Variants in SMOC1 observed in about 807,000 individuals in gnomAD.
SMOC1 encodes SPARC-related modular calcium-binding protein 1.
A neutral mutation model predicts 56.3 loss-of-function variants in SMOC1; 22 were observed. The ratio of observed to expected loss-of-function variants is 0.39; its 90% confidence interval spans 0.28 to 0.56. The LOEUF is 0.56. SMOC1 is among the 20% of genes least tolerant of loss of function. The pLI is 0.61. For missense variants in SMOC1, 509 were observed against 565.4 expected (o/e 0.90, Z 1.01); for synonymous variants, 193 against 215.0 (o/e 0.90, Z 0.89).
intron 1 of SMOC1, among the ~76,000 whole-genome samples, chr14:69,920,135 A>G (rs758325629): frequency 6.6e-6 from 1 of 152,186 alleles, no homozygotes; most frequent in East Asian, 1.9e-4. Flanking sequence ...TTCAGACAGA[A>G]GGACAGCATG....
chr14:70,025,545 A>G (rs1315268883), intron 11 of SMOC1, among the ~76,000 whole-genome samples: 1 of 151,938 alleles, frequency 6.6e-6, no homozygotes, highest in East Asian at 1.9e-4. Context: ...AATGGTTCAA[A>G]CCCTGCCTCT....
intron 1 of SMOC1, among the ~76,000 whole-genome samples, chr14:69,929,295 ACATAGCTAC>A (rs1885099976): frequency 6.6e-6 from 1 of 152,160 alleles, no homozygotes; most frequent in African/African-American, 2.4e-5. Flanking sequence ...GTCCTAATAA[ACATAGCTAC>A]CATTTATTGA....
At position 70,013,606 on chromosome 14, in the gene SMOC1, T is replaced by C. The variant is rs1885411182; in HGVS notation, c.1046+115T>C. ...GTTTGAGGAGGGCAAGGGCTGGAAG[T>C]TGATCTTTTTCCTGAAACCATGTAC... On this transcript the variant is annotated intron_variant, in intron 10 of 11. Transcript: ENST00000361956. 182 of 886,164 alleles carry C rather than the reference T, an allele frequency of 2.1e-4. 2 individuals carry two copies. The South Asian group carries it at 2.4e-3, about 12-fold the overall frequency. 54.9% of individuals were successfully genotyped at this position (886,164 alleles called of 1,614,324 possible). A position where few individuals can be genotyped will look rare whatever the true frequency, so the allele number is the denominator to read the frequency against.
At chr14:69,906,905 G>A (rs1191089958) in intron 1 of SMOC1, among the ~76,000 whole-genome samples, 1 of 152,160 alleles carries the variant, frequency 6.6e-6, no homozygotes, top group East Asian at 1.9e-4. Context: ...CAGAAACAGT[G>A]GAAATTAGAT....
In SMOC1 at chr14:69,961,028, G is replaced by A. The variant is rs920061917; in HGVS notation, c.378+7496G>A. On this transcript the variant is annotated intron_variant, in intron 3 of 11. Coordinates refer to ENST00000361956, the MANE Select transcript of SMOC1 (RefSeq NM_001034852.3). ...TAATACCAGAACATTTTTGTCACCC[G>A]AGAAGAAATCTTGTACGCATTAGCA... is the stretch of plus-strand genomic sequence containing the variant. Among the ~76,000 whole-genome samples, 5 of 151,906 alleles carry A rather than the reference G, an allele frequency of 3.3e-5. No individual in the cohort carries two copies. The South Asian group carries it at 1.0e-3, about 32-fold the overall frequency.
At chr14:69,940,149 C>T (rs1275740183) in intron 1 of SMOC1, among the ~76,000 whole-genome samples, 1 of 152,206 alleles carries the variant, frequency 6.6e-6, no homozygotes, top group African/African-American at 2.4e-5. Context: ...TCTTGTCTTT[C>T]CAACCAGAGG....
intron 1 of SMOC1, among the ~76,000 whole-genome samples, chr14:69,902,561 C>T (rs573470422): frequency 9.2e-5 from 14 of 152,250 alleles, no homozygotes; most frequent in African/African-American, 3.1e-4. Context: ...CCCTGTGGGA[C>T]CTCTGCCCTG....
chr14:69,976,119 A>T (rs954850162), intron 4 of SMOC1, among the ~76,000 whole-genome samples: 1 of 152,184 alleles, frequency 6.6e-6, no homozygotes, highest in African/African-American at 2.4e-5. Flanking sequence ...TTTTGTGCTG[A>T]TTCTGATTGC....
chr14:69,956,845 T>A (rs1014440843), intron 3 of SMOC1, among the ~76,000 whole-genome samples: 1 of 152,128 alleles, frequency 6.6e-6, no homozygotes, highest in Non-Finnish European at 1.5e-5. Flanking sequence ...CTTTTAAAGG[T>A]CTTGAAACCT....
intron 2 of SMOC1, among the ~76,000 whole-genome samples, chr14:69,953,036 C>A (rs778330108): frequency 1.3e-5 from 2 of 152,208 alleles, no homozygotes; most frequent in Non-Finnish European, 2.9e-5. Context: ...GCGCTAGAGC[C>A]TCTGATTTTC....
At chr14:69,901,419 G>A (rs1400573310) in intron 1 of SMOC1, among the ~76,000 whole-genome samples, 2 of 152,200 alleles carry the variant, frequency 1.3e-5, no homozygotes, top group Non-Finnish European at 2.9e-5. Flanking sequence ...AACTATCTGA[G>A]GTGGTCTGGG....
At chr14:69,908,602 C>A (rs903792541) in intron 1 of SMOC1, among the ~76,000 whole-genome samples, 1 of 152,192 alleles carries the variant, frequency 6.6e-6, no homozygotes, top group African/African-American at 2.4e-5. Flanking sequence ...CTAGCCAGGT[C>A]TGGGAGGGCC....
At chr14:69,964,979 A>G (rs1183412434) in intron 3 of SMOC1, among the ~76,000 whole-genome samples, 1 of 152,200 alleles carries the variant, frequency 6.6e-6, no homozygotes, top group Non-Finnish European at 1.5e-5. Flanking sequence ...TGATGTTGCC[A>G]GACTAGGGCA....
chr14:70,000,412 C>T (rs1466409493), intron 7 of SMOC1, among the ~76,000 whole-genome samples: 1 of 152,146 alleles, frequency 6.6e-6, no homozygotes, highest in African/African-American at 2.4e-5. Context: ...AATGAAGTTA[C>T]TGAGAAAAAC....
intron 1 of SMOC1, among the ~76,000 whole-genome samples, chr14:69,951,189 G>T (rs1298649994): frequency 6.6e-6 from 1 of 152,138 alleles, no homozygotes; most frequent in Non-Finnish European, 1.5e-5. Flanking sequence ...CCTCAAGAGT[G>T]ATTATTACAA....
chr14:70,029,786 C>A (rs571522613), intron 11 of SMOC1, among the ~76,000 whole-genome samples: 1 of 152,174 alleles, frequency 6.6e-6, no homozygotes, highest in African/African-American at 2.4e-5. Flanking sequence ...ACTTAAGCTC[C>A]CATTTTCAGG....
At chr14:69,913,455 C>T (rs951315264) in intron 1 of SMOC1, among the ~76,000 whole-genome samples, 2 of 150,788 alleles carry the variant, frequency 1.3e-5, no homozygotes, top group Non-Finnish European at 1.5e-5. Flanking sequence ...AATGAATTGG[C>T]GTGTGTGTGT....
intron 7 of SMOC1, among the ~76,000 whole-genome samples, chr14:70,008,305 T>C (rs1052403374): frequency 6.6e-6 from 1 of 152,030 alleles, no homozygotes; most frequent in Non-Finnish European, 1.5e-5. Context: ...CTTTTTGTAT[T>C]TATTTATTTA....
At position 69,992,530 on chromosome 14, in the gene SMOC1, A is replaced by T; in HGVS notation, c.583+57A>T. On this transcript the variant is annotated intron_variant, in intron 6 of 11. Transcript: ENST00000361956. ...CTCCCACTCATTTTCAGGTTTGGGA[A>T]AAGTCTTAACGTTGGATGTTTGTTT... The T allele has an allele frequency of 2.2e-6, 3 of 1,336,316 alleles. No individual in the cohort carries two copies. The South Asian group carries it at 3.5e-5, about 16-fold the overall frequency. 82.8% of individuals were successfully genotyped at this position (1,336,316 alleles called of 1,614,324 possible).
Sources: gnomAD v4.1 joint callset for allele counts (sites outside exome capture counted in the v4.1 genomes callset) on GRCh38, gnomAD v4.1.1 for gene constraint, MANE v1.5 for transcripts, NCBI Gene and HGNC (gene_info 2026-07-23, HGNC 2026-07-21) for gene names.